THADA: variants seen among roughly 807,000 people sequenced by gnomAD.
THADA encodes the protein tRNA (32-2'-O)-methyltransferase regulator THADA.
In THADA, 213 loss-of-function variants were observed where a neutral mutation model predicts 219.8. The observed-to-expected ratio is 0.97, with a 90% CI of 0.87 to 1.09. The LOEUF (loss-of-function observed/expected upper bound fraction) is 1.09, where lower values mean the gene tolerates loss of function less well. Ranked by LOEUF, THADA falls within the 50% of genes least tolerant of loss-of-function variation. The pLI, the probability that THADA is intolerant of heterozygous loss-of-function variation, is 0.00. For synonymous variants in THADA, 1,018 were observed against 828.9 expected (o/e 1.23, Z -3.92); for missense variants, 2,956 against 2,311.3 (o/e 1.28, Z -5.72).
chr2:43,291,466 A>AAAAAAAAAAAAAAAAAAAAAAAAAAAAC (rs1674704337), intron 34 of THADA, among the ~76,000 whole-genome samples: 2 of 144,848 alleles, frequency 1.4e-5, no homozygotes, highest in Non-Finnish European at 3.1e-5. Flanking sequence ...AAAAAAAAAA[A>AAAAAAAAAAAAAAAAAAAAAAAAAAAAC]AAAAAAAAAA....
intron 28 of THADA, among the ~76,000 whole-genome samples, chr2:43,401,949 T>TA (rs1161469863): frequency 6.2e-5 from 9 of 144,632 alleles, no homozygotes; most frequent in Admixed American, 2.0e-4. Flanking sequence ...GTTTTTTTTT[T>TA]TAAAAAAAAT....
In THADA at chr2:43,590,829, C is replaced by T. The variant is rs1372559309; in HGVS notation, c.297G>A (p.Leu99=). 6.2e-7 allele frequency: 1 copy of T among 1,612,226 alleles called. No individual in the cohort carries two copies. The highest frequency in any genetic ancestry group is 1.7e-4 in the Middle Eastern group (1 of 6,042). Reference sequence around the variant, plus strand: ...TCCCTTCCTTTTTTTCTTACCTTGCCAATACTTTCTTCAAGGGATTCTTTA... The same window carrying T: ...TCCCTTCCTTTTTTTCTTACCTTGCTAATACTTTCTTCAAGGGATTCTTTA... ...LSLKNPLKKV[L]ASSLNSLPDF... Residue 99 remains leucine, a synonymous_variant, in exon 4 of 38, where the codon TTG becomes TTA. Transcript: ENST00000405975.
chr2:43,291,482 A>AAAAAAAAAAAAAAT (rs1674711254), intron 34 of THADA, among the ~76,000 whole-genome samples: 2 of 142,202 alleles, frequency 1.4e-5, no homozygotes. Context: ...AAAAAAAAAA[A>AAAAAAAAAAAAAAT]TCCTAAAACA....
chr2:43,402,163 G>A (rs1674930135), intron 28 of THADA, among the ~76,000 whole-genome samples: 1 of 152,168 alleles, frequency 6.6e-6, no homozygotes, highest in African/African-American at 2.4e-5. Context: ...ACCACACGAT[G>A]TGGCTGTCAG....
intron 29 of THADA, among the ~76,000 whole-genome samples, chr2:43,377,005 G>A (rs1235324442): frequency 1.3e-5 from 2 of 152,102 alleles, no homozygotes; most frequent in Admixed American, 6.5e-5. Flanking sequence ...TGGAGTACAC[G>A]GCTCACAGGC....
At chr2:43,437,545 T>A (rs943354695) in intron 26 of THADA, among the ~76,000 whole-genome samples, 4 of 152,164 alleles carry the variant, frequency 2.6e-5, no homozygotes, top group Non-Finnish European at 4.4e-5. Flanking sequence ...ATGGATTTGG[T>A]GCCAACTCAT....
chr2:43,518,091 T>C (rs1691956690), intron 22 of THADA, among the ~76,000 whole-genome samples: 1 of 152,208 alleles, frequency 6.6e-6, no homozygotes, highest in African/African-American at 2.4e-5. Flanking sequence ...AGATAGTTTA[T>C]TATTTTCTAC....
At chr2:43,308,761 A>AC (rs1677157878) in intron 31 of THADA, among the ~76,000 whole-genome samples, 5 of 123,768 alleles carry the variant, frequency 4.0e-5, no homozygotes, top group African/African-American at 6.7e-5. Context: ...CCCATACCAA[A>AC]AAAAAAAAAA....
chr2:43,497,246 T>C (rs1385067282), intron 25 of THADA, among the ~76,000 whole-genome samples: 2 of 152,216 alleles, frequency 1.3e-5, no homozygotes, highest in Non-Finnish European at 2.9e-5. Context: ...CATATGTTTA[T>C]TGCAGCACTA....
chr2:43,237,267 C>T (rs1485026758), intron 36 of THADA, among the ~76,000 whole-genome samples: 1 of 152,040 alleles, frequency 6.6e-6, no homozygotes. Flanking sequence ...GTCTTTTCAA[C>T]CAGTAATCCT....
intron 26 of THADA, among the ~76,000 whole-genome samples, chr2:43,455,241 T>C (rs1322822794): frequency 6.6e-6 from 1 of 152,212 alleles, no homozygotes; most frequent in Non-Finnish European, 1.5e-5. Context: ...GCTATCATAT[T>C]TTTTAATTTT....
intron 7 of THADA, among the ~76,000 whole-genome samples, chr2:43,583,520 A>T (rs115833256): frequency 0.01 from 1,562 of 152,342 alleles, 31 homozygotes; most frequent in African/African-American, 0.035. Context: ...TAGTTCCTCA[A>T]AAAGTTAAAT....
intron 36 of THADA, among the ~76,000 whole-genome samples, chr2:43,270,985 C>T (rs1192368174): frequency 6.6e-6 from 1 of 152,186 alleles, no homozygotes; most frequent in African/African-American, 2.4e-5. Flanking sequence ...CTTCCCCTGT[C>T]CCCCCACTGG....
rs1327359321 is a variant in THADA, at chr2:43,592,020, G to T, written c.103C>A (p.Leu35Ile). 1.3e-6 allele frequency: 2 copies of T among 1,561,756 alleles called. No individual in the cohort carries two copies. The highest frequency in any genetic ancestry group is 1.2e-5 in the South Asian group (1 of 84,022). Residue 35 changes from leucine (L) to isoleucine (I), a missense_variant, in exon 3 of 38, where the codon CTA becomes ATA. Transcript: ENST00000405975. ...KSFADVEGKN[L>I]ASLLLHCVQL... ...ACACAATGTAACAGCAAAGAAGCTA[G>T]ATTTTTCCCTTCCACATCAGCAAAA... is the stretch of plus-strand genomic sequence containing the variant.
intron 30 of THADA, among the ~76,000 whole-genome samples, chr2:43,338,684 T>C (rs1408677985): frequency 6.6e-6 from 1 of 152,228 alleles, no homozygotes; most frequent in Non-Finnish European, 1.5e-5. Context: ...TGGCATATGT[T>C]GGAATTTCCT....
At chr2:43,242,239 C>T (rs1000598641) in intron 36 of THADA, among the ~76,000 whole-genome samples, 1 of 152,232 alleles carries the variant, frequency 6.6e-6, no homozygotes, top group Non-Finnish European at 1.5e-5. Context: ...CAGATACCAC[C>T]CGCTTAGCAC....
At chr2:43,429,165 TGGCAAGATC>T (rs1470059572) in intron 27 of THADA, among the ~76,000 whole-genome samples, 14 of 152,198 alleles carry the variant, frequency 9.2e-5, no homozygotes, top group Non-Finnish European at 1.6e-4. Context: ...TGGAGTGCAG[TGGCAAGATC>T]TCAGCTCACT....
At chr2:43,322,674 CTTTTTTT>C (rs34557514) in intron 30 of THADA, among the ~76,000 whole-genome samples, 2 of 54,814 alleles carry the variant, frequency 3.6e-5, no homozygotes, top group Non-Finnish European at 6.4e-5. Context: ...ACATTCTATT[CTTTTTTT>C]TTTTTTTTTT....
At chr2:43,519,012 C>T (rs1481311376) in intron 22 of THADA, among the ~76,000 whole-genome samples, 4 of 151,930 alleles carry the variant, frequency 2.6e-5, no homozygotes, top group African/African-American at 9.7e-5. Flanking sequence ...ATTATTCTCC[C>T]TCCCATCATG....
Sources: gnomAD v4.1 joint callset for allele counts (sites outside exome capture counted in the v4.1 genomes callset) on GRCh38, gnomAD v4.1.1 for gene constraint, MANE v1.5 for transcripts, NCBI Gene and HGNC (gene_info 2026-07-23, HGNC 2026-07-21) for gene names.